The following EYS variants were observed in gnomAD, a reference collection of about 807,000 sequenced individuals.
The protein encoded by EYS is protein eyes shut homolog.
In EYS, 250 loss-of-function variants were observed where a neutral mutation model predicts 282.1. The observed-to-expected ratio is 0.89, with a 90% CI of 0.80 to 0.98. The LOEUF is 0.98. Ranked by LOEUF, EYS falls within the 50% of genes least tolerant of loss-of-function variation. The pLI is 0.00. For missense variants in EYS, 4,016 were observed against 3,709.0 expected (o/e 1.08, Z -2.15); for synonymous variants, 1,355 against 1,282.9 (o/e 1.06, Z -1.20).
chr6:64,547,378 T>G (rs1216685842), intron 26 of EYS, among the ~76,000 whole-genome samples: 1 of 152,128 alleles, frequency 6.6e-6, no homozygotes, highest in Non-Finnish European at 1.5e-5. Flanking sequence ...TGCTGACTGG[T>G]GCGTTTGCAA....
At chr6:64,697,076 A>G (rs1487113983) in intron 22 of EYS, among the ~76,000 whole-genome samples, 1 of 152,200 alleles carries the variant, frequency 6.6e-6, no homozygotes. Context: ...CCTTGAATAT[A>G]ACTGGATTTA....
At chr6:65,518,150 G>T (rs1228187982) in intron 2 of EYS, among the ~76,000 whole-genome samples, 19 of 151,974 alleles carry the variant, frequency 1.3e-4, no homozygotes, top group Admixed American at 1.2e-3. Context: ...CTTACAGCTG[G>T]TATTTGGCAG....
intron 30 of EYS, among the ~76,000 whole-genome samples, chr6:64,289,446 A>C (rs1388879260): frequency 6.6e-6 from 1 of 152,016 alleles, no homozygotes; most frequent in Non-Finnish European, 1.5e-5. Flanking sequence ...TTCATTCACC[A>C]ATTTCCCTCT....
At chr6:64,061,326 A>AT (rs1309059456) in intron 33 of EYS, among the ~76,000 whole-genome samples, 2 of 152,322 alleles carry the variant, frequency 1.3e-5, no homozygotes, top group Middle Eastern at 6.8e-3. Context: ...TAGTAAGACA[A>AT]TTTTTCTGAA....
At chr6:65,358,196 T>C (rs550432632) in intron 8 of EYS, among the ~76,000 whole-genome samples, 1 of 152,126 alleles carries the variant, frequency 6.6e-6, no homozygotes, top group African/African-American at 2.4e-5. Flanking sequence ...TTTAAAATAA[T>C]CCCATTTTAA....
intron 12 of EYS, among the ~76,000 whole-genome samples, chr6:65,100,703 A>C (rs1774869832): frequency 6.6e-6 from 1 of 150,744 alleles, no homozygotes. Context: ...TTGTTCAGAA[A>C]CAGAATTGGA....
At chr6:65,314,967 TCATTC>T (rs1769260947) in intron 11 of EYS, among the ~76,000 whole-genome samples, 1 of 152,152 alleles carries the variant, frequency 6.6e-6, no homozygotes, top group African/African-American at 2.4e-5. Flanking sequence ...AAAACACTTC[TCATTC>T]CAATGCTTGA....
intron 22 of EYS, among the ~76,000 whole-genome samples, chr6:64,779,430 T>C (rs890867591): frequency 4.6e-5 from 7 of 152,042 alleles, no homozygotes; most frequent in African/African-American, 1.7e-4. Context: ...TATGACATTC[T>C]GGAAAGAAAA....
At chr6:65,499,594 T>A (rs1766376820) in intron 2 of EYS, among the ~76,000 whole-genome samples, 1 of 151,972 alleles carries the variant, frequency 6.6e-6, no homozygotes, top group African/African-American at 2.4e-5. Context: ...ATAGAAGAGA[T>A]AAAATTAACA....
chr6:64,266,903 G>A (rs879728047), intron 30 of EYS, among the ~76,000 whole-genome samples: 1 of 152,072 alleles, frequency 6.6e-6, no homozygotes, highest in Non-Finnish European at 1.5e-5. Context: ...ACTGCAAATA[G>A]TGAGCACTAA....
intron 22 of EYS, among the ~76,000 whole-genome samples, chr6:64,811,416 T>C (rs1034396435): frequency 1.7e-5 from 2 of 117,714 alleles, no homozygotes; most frequent in African/African-American, 5.4e-5. Flanking sequence ...ACTGGCTTCA[T>C]GCTGTAAAAA....
Position 64,874,610 on chromosome 6 carries a change from C to T in EYS, c.2992+12087G>A, listed in dbSNP as rs183500637. Among the ~76,000 whole-genome samples, 21 of 151,882 alleles carry T rather than the reference C, an allele frequency of 1.4e-4. No homozygotes were observed. The East Asian group carries it at 3.3e-3, about 24-fold the overall frequency. On this transcript the variant is annotated intron_variant, in intron 19 of 42. Transcript: ENST00000503581. The stretch of plus-strand genomic sequence containing the variant: ...TTTTAGGAAGTAAAATTGAGGAGCT[C>T]GGGACATGAAATCAGAGAATAACGA...
chr6:64,597,223 T>C (rs1766615230), intron 24 of EYS, among the ~76,000 whole-genome samples: 1 of 152,116 alleles, frequency 6.6e-6, no homozygotes. Flanking sequence ...TAACAGATAT[T>C]GGCAAGGATG....
chr6:65,607,475 G>A (rs1187926006), intron 2 of EYS, among the ~76,000 whole-genome samples: 2 of 151,518 alleles, frequency 1.3e-5, no homozygotes, highest in African/African-American at 2.4e-5. Context: ...CTTTCCTCAC[G>A]CCTTCTATTT....
intron 11 of EYS, among the ~76,000 whole-genome samples, chr6:65,311,275 G>T (rs1270091326): frequency 6.6e-6 from 1 of 152,092 alleles, no homozygotes; most frequent in East Asian, 1.9e-4. Flanking sequence ...TATGAGCTGG[G>T]ACATAAGTTT....
chr6:64,113,690 A>G (rs116012950), intron 31 of EYS, among the ~76,000 whole-genome samples: 6,419 of 152,244 alleles, frequency 0.042, 397 homozygotes, highest in African/African-American at 0.14. Flanking sequence ...GTTAGTTTTA[A>G]TTATAAACTT....
chr6:64,374,468 A>T (rs1772499999), intron 29 of EYS, among the ~76,000 whole-genome samples: 1 of 151,912 alleles, frequency 6.6e-6, no homozygotes, highest in Non-Finnish European at 1.5e-5. Context: ...TCTTGCACAG[A>T]TCCCTGTGGA....
intron 22 of EYS, among the ~76,000 whole-genome samples, chr6:64,795,012 A>G (rs1380967071): frequency 6.6e-6 from 1 of 152,072 alleles, no homozygotes; most frequent in African/African-American, 2.4e-5. Flanking sequence ...AGGCAGGTGG[A>G]TTACCTGAGG....
chr6:64,896,820 G>A (rs1306385468), intron 18 of EYS, among the ~76,000 whole-genome samples: 1 of 152,012 alleles, frequency 6.6e-6, no homozygotes, highest in Non-Finnish European at 1.5e-5. Flanking sequence ...CTCACAGTGT[G>A]AACAAAGCCG....
Sources: gnomAD v4.1 joint callset for allele counts (sites outside exome capture counted in the v4.1 genomes callset) on GRCh38, gnomAD v4.1.1 for gene constraint, MANE v1.5 for transcripts, NCBI Gene and HGNC (gene_info 2026-07-23, HGNC 2026-07-21) for gene names.